Variants in SNRNP27 observed in about 807,000 individuals in gnomAD.
SNRNP27 encodes the protein small nuclear ribonucleoprotein U4/U6.U5 subunit 27.
A neutral mutation model predicts 25.1 loss-of-function variants in SNRNP27; 22 were observed. That is an observed-to-expected ratio of 0.88 (90% confidence interval 0.63 to 1.25). SNRNP27 has a LOEUF of 1.25. Among genes scored for constraint, SNRNP27 ranks in the 50% most tolerant of loss-of-function variants. The pLI, the probability that SNRNP27 is intolerant of heterozygous loss-of-function variation, is 0.00. For synonymous variants in SNRNP27, 66 were observed against 64.9 expected (o/e 1.02, Z -0.08); for missense variants, 150 against 202.3 (o/e 0.74, Z 1.57).
rs1215947717 is a variant in SNRNP27 at position 69,897,987 on chromosome 2, G to C, written c.348+531G>C. On this transcript the variant is annotated intron_variant, in intron 4 of 5. Coordinates refer to ENST00000244227, the MANE Select transcript of SNRNP27 (RefSeq NM_006857.3). ...TGTGTTTTGGAATAATGACTCTGGGGGCAGCATGGAGGACAGATGGGAGGT... is the reference window on the plus strand; with the variant it reads ...TGTGTTTTGGAATAATGACTCTGGGCGCAGCATGGAGGACAGATGGGAGGT... Among the ~76,000 whole-genome samples, 2 of 38,828 alleles carry C rather than the reference G, an allele frequency of 5.2e-5. 1 individual carries two copies. Among genetic ancestry groups the C allele is most frequent in the African/African-American group, 7.9e-4 (2 of 2,546 alleles). The allele number at this position is 38,828 out of a possible 152,430, so 25.5% of individuals were successfully genotyped here.
intron 4 of SNRNP27, among the ~76,000 whole-genome samples, chr2:69,902,351 T>TTGC (rs1345331310): frequency 2.0e-5 from 3 of 151,276 alleles, no homozygotes; most frequent in African/African-American, 7.3e-5. Context: ...GCTGCTGCTC[T>TTGC]TGCTGCTGCT....
chr2:69,901,617 A>G (rs1484327334), intron 4 of SNRNP27, among the ~76,000 whole-genome samples: 1 of 152,132 alleles, frequency 6.6e-6, no homozygotes, highest in African/African-American at 2.4e-5. Context: ...GGAGTTCAAG[A>G]CCAGCCTGGG....
intron 4 of SNRNP27, among the ~76,000 whole-genome samples, chr2:69,898,714 G>T (rs752760633): frequency 2.6e-5 from 4 of 152,246 alleles, no homozygotes; most frequent in African/African-American, 9.6e-5. Flanking sequence ...GAGTACTGAG[G>T]CATGACTGTT....
chr2:69,897,491 ATATGT>A (rs1439400381), intron 4 of SNRNP27, 35 bp downstream of exon 4: 1 of 1,432,212 alleles, frequency 7.0e-7, no homozygotes, highest in Non-Finnish European at 9.8e-7. Flanking sequence ...ATTTGAATTA[ATATGT>A]TATGACTGTC....
At chr2:69,904,215 G>T (rs1259568425) in intron 5 of SNRNP27, 39 bp from the exon 6 acceptor site, 10 of 1,456,702 alleles carry the variant, frequency 6.9e-6, no homozygotes, top group Non-Finnish European at 9.4e-6. Flanking sequence ...AGGAGTATAG[G>T]ATTAAAAAAA....
At chr2:69,894,071 T>G in intron 1 of SNRNP27, 53 bp downstream of exon 1, 1 of 1,475,842 alleles carries the variant, frequency 6.8e-7, no homozygotes, top group Non-Finnish European at 9.4e-7. Flanking sequence ...GGCCTGTCCC[T>G]TTTGTTTTAT....
chr2:69,904,560 C>T lies in SNRNP27; in HGVS notation c.*252C>T. ...CAACCCCATTTTATTTGTCCTTATT[C>T]CTGTGGAAGCAGTATATGTTTTCTT... On this transcript the variant is annotated 3_prime_UTR_variant, in exon 6 of 6. Coordinates refer to ENST00000244227, the MANE Select transcript of SNRNP27 (RefSeq NM_006857.3). 1.7e-6 allele frequency: 1 copy of T among 584,968 alleles called. No homozygotes were observed. The highest frequency in any genetic ancestry group is 3.0e-6 in the Non-Finnish European group (1 of 336,542). The allele number at this position is 584,968 out of a possible 1,614,324, so 36.2% of individuals were successfully genotyped here. A position where few individuals can be genotyped will look rare whatever the true frequency, so the allele number is the denominator to read the frequency against.
At chr2:69,894,128 C>T (rs911037056) in intron 1 of SNRNP27, 110 bp downstream of exon 1, 2 of 1,031,590 alleles carry the variant, frequency 1.9e-6, no homozygotes, top group Non-Finnish European at 2.9e-6. Flanking sequence ...GGGCCCTTTT[C>T]CCAGGCGGAG....
chr2:69,899,428 TATTTTA>T (rs1249657986), intron 4 of SNRNP27, among the ~76,000 whole-genome samples: 1 of 152,180 alleles, frequency 6.6e-6, no homozygotes, highest in East Asian at 1.9e-4. Flanking sequence ...TATTATTTTT[TATTTTA>T]ATTTTATTTT....
intron 4 of SNRNP27, 38 bp downstream of exon 4, chr2:69,897,494 T>C (rs1406970286): frequency 7.3e-7 from 1 of 1,365,582 alleles, no homozygotes. Context: ...TGAATTAATA[T>C]GTTATGACTG....
chr2:69,903,150 T>G (rs1161961776), intron 4 of SNRNP27, 31 bp from the exon 5 acceptor site: 4 of 1,561,624 alleles, frequency 2.6e-6, no homozygotes, highest in African/African-American at 2.7e-5. Context: ...CCTTCCTGTT[T>G]TTTGTCTGTT....
Position 69,904,404 on chromosome 2 carries a change from C to A in SNRNP27, c.*96C>A. The A allele has an allele frequency of 1.1e-6, 1 of 906,618 alleles. No homozygotes were observed. Among genetic ancestry groups the A allele is most frequent in the Non-Finnish European group, 1.8e-6 (1 of 544,266 alleles). The allele number at this position is 906,618 out of a possible 1,614,324, so 56.2% of individuals were successfully genotyped here. A position where few individuals can be genotyped will look rare whatever the true frequency, so the allele number is the denominator to read the frequency against. ...TTAACTTGCATTCAAAAAACAGGAT[C>A]TCAGTTCTCCTTTCTTGTAAAGTAA... On this transcript the variant is annotated 3_prime_UTR_variant, in exon 6 of 6. Transcript: ENST00000244227.
Position 69,904,769 on chromosome 2 carries a change from A to G in SNRNP27, c.*461A>G, listed in dbSNP as rs971076198. The G allele has an allele frequency of 6.0e-6, 1 of 166,324 alleles. No homozygotes were observed. The highest frequency in any genetic ancestry group is 2.4e-5 in the African/African-American group (1 of 41,900). The allele number at this position is 166,324 out of a possible 1,614,324, so 10.3% of individuals were successfully genotyped here. A position where few individuals can be genotyped will look rare whatever the true frequency, so the allele number is the denominator to read the frequency against. ...GTATCTTGATTGTTAGTAGTCTAAA[A>G]ATGGGAAGAATGAAAAAGCATAACT... On this transcript the variant is annotated 3_prime_UTR_variant, in exon 6 of 6. Transcript: ENST00000244227.
At chr2:69,899,424 TTTTTA>T (rs1205508482) in intron 4 of SNRNP27, among the ~76,000 whole-genome samples, 1 of 152,142 alleles carries the variant, frequency 6.6e-6, no homozygotes, top group Non-Finnish European at 1.5e-5. Context: ...TTTGTATTAT[TTTTTA>T]TTTTAATTTT....
At chr2:69,896,320 C>A in intron 2 of SNRNP27, 116 bp from the exon 3 acceptor site, 1 of 962,210 alleles carries the variant, frequency 1.0e-6, no homozygotes, top group Non-Finnish European at 1.5e-6. Flanking sequence ...TTTTTCCTCA[C>A]TTTGCTATAC....
At chr2:69,897,027 C>T (rs1261744979) in intron 3 of SNRNP27, among the ~76,000 whole-genome samples, 1 of 151,994 alleles carries the variant, frequency 6.6e-6, no homozygotes, top group East Asian at 1.9e-4. Context: ...TATGGTGCTC[C>T]TGATATAGAA....
At chr2:69,903,125 C>A (rs1010034836) in intron 4 of SNRNP27, 56 bp from the exon 5 acceptor site, 1 of 1,381,550 alleles carries the variant, frequency 7.2e-7, no homozygotes, top group African/African-American at 1.4e-5. Flanking sequence ...TTTCATGTAT[C>A]CTGATTTAAT....
Position 69,894,037 on chromosome 2 carries a change from C to T in SNRNP27, c.34+19C>T, listed in dbSNP as rs765323246. 4 of 1,609,906 alleles carry T rather than the reference C, an allele frequency of 2.5e-6. No individual in the cohort carries two copies. Among genetic ancestry groups the T allele is most frequent in the African/African-American group, 2.7e-5 (2 of 74,810 alleles). On this transcript the variant is annotated intron_variant, in intron 1 of 5. Coordinates refer to ENST00000244227, the MANE Select transcript of SNRNP27 (RefSeq NM_006857.3). ...CGGAGGGGTGAGTCCTGTAGCAATT[C>T]GGAGGATATGGGGCTCTGTTGGAGG...
intron 4 of SNRNP27, among the ~76,000 whole-genome samples, chr2:69,902,207 C>T (rs969484232): frequency 6.6e-6 from 1 of 150,714 alleles, no homozygotes; most frequent in African/African-American, 2.4e-5. Context: ...CTCCTTCCTC[C>T]TTCCTCCTCC....
Sources: gnomAD v4.1 joint callset for allele counts (sites outside exome capture counted in the v4.1 genomes callset) on GRCh38, gnomAD v4.1.1 for gene constraint, MANE v1.5 for transcripts, NCBI Gene and HGNC (gene_info 2026-07-23, HGNC 2026-07-21) for gene names.